SAXO1: variants seen among roughly 807,000 people sequenced by gnomAD.
SAXO1 encodes 4930500O09Rik.
In SAXO1, 21 loss-of-function variants were observed where a neutral mutation model predicts 17.5. The ratio of observed to expected loss-of-function variants is 1.20; its 90% CI spans 0.85 to 1.72. The LOEUF is 1.72. Ranked by LOEUF, SAXO1 falls within the 40% of genes most tolerant of loss-of-function variation. The probability of loss-of-function intolerance (pLI) is 0.00; values close to 1 mark genes in which losing one functional copy is unlikely to be tolerated. For synonymous variants in SAXO1, 274 were observed against 216.5 expected (o/e 1.27, Z -2.33); for missense variants, 843 against 596.0 (o/e 1.41, Z -4.32).
At chr9:18,953,933 G>A (rs1456769646) in intron 1 of SAXO1, among the ~76,000 whole-genome samples, 2 of 152,166 alleles carry the variant, frequency 1.3e-5, no homozygotes, top group Non-Finnish European at 2.9e-5. Context: ...AGTATCTAAA[G>A]AAAGTTTGTA....
Position 18,954,181 on chromosome 9 carries a change from A to G in SAXO1, c.39-3244T>C, listed in dbSNP as rs1832151049. ...TTCCACTCCAGAATTCACAATTCCC[A>G]GGGGTAAAAGGACATAACACTGACT... is the stretch of plus-strand genomic sequence containing the variant. On this transcript the variant is annotated intron_variant, in intron 1 of 3. Coordinates refer to ENST00000380534, the MANE Select transcript of SAXO1 (RefSeq NM_153707.4). 2.0e-5 allele frequency among the ~76,000 whole-genome samples: 3 copies of G among 152,180 alleles called. No individual in the cohort carries two copies. In the South Asian group the frequency reaches 6.2e-4, roughly 32 times the overall value.
intron 1 of SAXO1, among the ~76,000 whole-genome samples, chr9:18,957,342 C>G (rs4977269): frequency 0.82 from 124,850 of 152,172 alleles, 51,659 homozygotes; most frequent in African/African-American, 0.93. Flanking sequence ...AAGAACCCTA[C>G]AGATCGGCCA....
In SAXO1 at chr9:19,026,925, G is replaced by C; in HGVS notation, c.38+5946C>G. Reference sequence around the variant, plus strand: ...CGTGTGGGATGAGGCCAAGCAAGATGGAACTGGGGTGGAGGTGCTCAACAT... The same window carrying C: ...CGTGTGGGATGAGGCCAAGCAAGATCGAACTGGGGTGGAGGTGCTCAACAT... On this transcript the variant is annotated intron_variant, in intron 1 of 3. Coordinates refer to ENST00000380534, the MANE Select transcript of SAXO1 (RefSeq NM_153707.4). The C allele has an allele frequency of 7.5e-6, 6 of 802,302 alleles. No homozygotes were observed. In the Admixed American group the frequency reaches 1.0e-4, roughly 14 times the overall value. The allele number at this position is 802,302 out of a possible 1,614,324, so 49.7% of individuals were successfully genotyped here. A position where few individuals can be genotyped will look rare whatever the true frequency, so the allele number is the denominator to read the frequency against.
intron 1 of SAXO1, among the ~76,000 whole-genome samples, chr9:19,014,025 CAG>C (rs1834861413): frequency 6.6e-6 from 1 of 152,038 alleles, no homozygotes; most frequent in African/African-American, 2.4e-5. Flanking sequence ...AGTTAGTATA[CAG>C]AGAGTTAAAC....
chr9:18,993,465 G>C lies in SAXO1; in HGVS notation c.38+39406C>G, dbSNP rs535359644. ...CAGCCTCAGCCTCTGCCTTCAGTCAGCTTTCCTTCTTATGGCTCAGCCAGT... is the reference window on the plus strand; with the variant it reads ...CAGCCTCAGCCTCTGCCTTCAGTCACCTTTCCTTCTTATGGCTCAGCCAGT... On this transcript the variant is annotated intron_variant, in intron 1 of 3. Transcript: ENST00000380534. Among the ~76,000 whole-genome samples the C allele has an allele frequency of 5.3e-5, 8 of 152,328 alleles. No individual in the cohort carries two copies. In the East Asian group the frequency reaches 1.5e-3, roughly 29 times the overall value.
chr9:18,958,537 C>T (rs1832347318), intron 1 of SAXO1, among the ~76,000 whole-genome samples: 1 of 152,000 alleles, frequency 6.6e-6, no homozygotes, highest in South Asian at 2.1e-4. Context: ...AGAAAAGCAA[C>T]TTTAATGGTT....
chr9:18,946,157 T>A (rs1340968300), intron 2 of SAXO1, among the ~76,000 whole-genome samples: 1 of 151,466 alleles, frequency 6.6e-6, no homozygotes, highest in Non-Finnish European at 1.5e-5. Flanking sequence ...ACACCTGTAA[T>A]CCTAACTACT....
intron 3 of SAXO1, among the ~76,000 whole-genome samples, chr9:18,932,881 G>T (rs1036241821): frequency 6.7e-6 from 1 of 150,352 alleles, no homozygotes; most frequent in Non-Finnish European, 1.5e-5. Context: ...GTTCAGTACT[G>T]ACATCTCGCT....
Position 18,928,391 on chromosome 9 carries a change from G to T in SAXO1, c.1086C>A (p.Asp362Glu). ...TEPVKPVPQLDLPTEPLDCLT... is the reference protein window; with the variant it reads ...TEPVKPVPQLELPTEPLDCLT... Reference sequence around the variant, plus strand: ...GGCAGTCCAGGGGCTCGGTGGGCAAGTCCAGCTGGGGAACGGGCTTGACTG... The same window carrying T: ...GGCAGTCCAGGGGCTCGGTGGGCAATTCCAGCTGGGGAACGGGCTTGACTG... Residue 362 changes from aspartate to glutamate, a missense_variant, in exon 4 of 4, where the codon GAC becomes GAA. Coordinates refer to ENST00000380534, the MANE Select transcript of SAXO1 (RefSeq NM_153707.4). The T allele has an allele frequency of 6.2e-7, 1 of 1,611,544 alleles. No homozygotes were observed. Among genetic ancestry groups the T allele is most frequent in the Non-Finnish European group, 8.5e-7 (1 of 1,178,830 alleles).
chr9:19,007,269 C>T (rs931012925), intron 1 of SAXO1, among the ~76,000 whole-genome samples: 10 of 152,064 alleles, frequency 6.6e-5, no homozygotes, highest in African/African-American at 2.2e-4. Context: ...ATCGCTTGAA[C>T]CCGGGAGGCA....
intron 1 of SAXO1, among the ~76,000 whole-genome samples, chr9:19,031,039 T>C (rs1414194594): frequency 1.3e-5 from 2 of 152,178 alleles, no homozygotes; most frequent in African/African-American, 4.8e-5. Flanking sequence ...AAGTGACTCC[T>C]TTGCAGGGAC....
At chr9:19,034,819 AGG>A (rs1214854452), upstream of SAXO1, among the ~76,000 whole-genome samples, 1 of 152,298 alleles carries the variant, frequency 6.6e-6, no homozygotes, top group East Asian at 1.9e-4. Flanking sequence ...GTCCTTACAG[AGG>A]AAATACAGTG....
chr9:19,014,102 G>C (rs1044554182), intron 1 of SAXO1, among the ~76,000 whole-genome samples: 1 of 152,136 alleles, frequency 6.6e-6, no homozygotes, highest in African/African-American at 2.4e-5. Flanking sequence ...TGGAAAGGTA[G>C]AGTAGGGGCT....
chr9:19,014,679 T>C (rs189198818), intron 1 of SAXO1, among the ~76,000 whole-genome samples: 215 of 152,234 alleles, frequency 1.4e-3, no homozygotes, highest in African/African-American at 5.0e-3. Flanking sequence ...CTTTCATAGA[T>C]TTAAGACTTC....
intron 2 of SAXO1, among the ~76,000 whole-genome samples, chr9:18,943,346 G>A (rs1254923227): frequency 6.6e-6 from 1 of 152,204 alleles, no homozygotes; most frequent in African/African-American, 2.4e-5. Flanking sequence ...GTGTCTGGAA[G>A]CTGACTGTAC....
Position 19,033,023 on chromosome 9 carries a change from T to G in SAXO1, c.-115A>C, listed in dbSNP as rs111330226. On this transcript the variant is annotated 5_prime_UTR_variant, in exon 1 of 4. Transcript: ENST00000380534. ...CAGGCTCGAGGGTCTTGGCAGGTGT[T>G]CTGTTTACTCGAAGGAAAATTTAAG... 6.3e-6 allele frequency: 7 copies of G among 1,107,056 alleles called. No individual in the cohort carries two copies. Among genetic ancestry groups the G allele is most frequent in the African/African-American group, 1.6e-5 (1 of 62,508 alleles). The allele number at this position is 1,107,056 out of a possible 1,614,324, so 68.6% of individuals were successfully genotyped here. A position where few individuals can be genotyped will look rare whatever the true frequency, so the allele number is the denominator to read the frequency against.
At chr9:18,987,238 G>A (rs751027478) in intron 1 of SAXO1, among the ~76,000 whole-genome samples, 1 of 152,156 alleles carries the variant, frequency 6.6e-6, no homozygotes, top group Non-Finnish European at 1.5e-5. Context: ...GGAAACTTCA[G>A]ATCTCACCCC....
At chr9:19,034,704 C>T (rs1261560591), upstream of SAXO1, among the ~76,000 whole-genome samples, 1 of 152,122 alleles carries the variant, frequency 6.6e-6, no homozygotes, top group Non-Finnish European at 1.5e-5. Flanking sequence ...CAGAACTCTA[C>T]AGGGGAGGAT....
At chr9:18,952,803 G>C (rs1243461732) in intron 1 of SAXO1, among the ~76,000 whole-genome samples, 3 of 152,158 alleles carry the variant, frequency 2.0e-5, no homozygotes, top group Admixed American at 6.5e-5. Context: ...AGAAAAGTGT[G>C]CTTTTTCTTT....
Sources: allele counts gnomAD v4.1 joint callset (sites outside exome capture counted in the v4.1 genomes callset), GRCh38; gene constraint gnomAD v4.1.1; transcripts MANE v1.5; gene names NCBI Gene and HGNC (gene_info 2026-07-23, HGNC 2026-07-21).